Variants in SSBP2 observed in about 807,000 individuals in gnomAD.
The protein encoded by SSBP2 is single stranded DNA binding protein 2, also known as single-stranded DNA-binding protein 2.
A neutral mutation model predicts 61.8 loss-of-function variants in SSBP2; 17 were observed. The observed-to-expected ratio is 0.28, with a 90% CI of 0.19 to 0.41. SSBP2 has a LOEUF of 0.41. Among genes scored for constraint, SSBP2 ranks in the 10% least tolerant of loss-of-function variants. The pLI, the probability that SSBP2 is intolerant of heterozygous loss-of-function variation, is 1.00. For missense variants in SSBP2, 310 were observed against 458.7 expected (o/e 0.68, Z 2.96); for synonymous variants, 139 against 141.3 (o/e 0.98, Z 0.12).
chr5:81,684,504 T>TGCCC, intron 1 of SSBP2, among the ~76,000 whole-genome samples: 1 of 152,304 alleles, frequency 6.6e-6, no homozygotes. Context: ...AGTCTGTATG[T>TGCCC]GCCCAAGGCC....
At chr5:81,448,878 C>A in intron 10 of SSBP2, 53 bp from the exon 11 acceptor site, 1 of 1,320,508 alleles carries the variant, frequency 7.6e-7, no homozygotes, top group Non-Finnish European at 1.1e-6. Flanking sequence ...AATATGGACA[C>A]TGACCTAAAA....
chr5:81,648,726 G>A (rs1256985690), intron 2 of SSBP2, among the ~76,000 whole-genome samples: 2 of 151,914 alleles, frequency 1.3e-5, no homozygotes, highest in Non-Finnish European at 2.9e-5. Flanking sequence ...GTACATAGTA[G>A]TATATATATT....
chr5:81,568,152 T>C (rs1443383770), intron 4 of SSBP2, among the ~76,000 whole-genome samples: 1 of 152,144 alleles, frequency 6.6e-6, no homozygotes, highest in Non-Finnish European at 1.5e-5. Context: ...GGTAGAATGA[T>C]ATGGTTTGGC....
intron 15 of SSBP2, among the ~76,000 whole-genome samples, chr5:81,432,026 C>T (rs1329907300): frequency 6.6e-6 from 1 of 152,170 alleles, no homozygotes; most frequent in African/African-American, 2.4e-5. Flanking sequence ...TGTGGCTCTG[C>T]CTGTAATTAG....
chr5:81,635,978 T>A (rs1335426668), intron 3 of SSBP2, among the ~76,000 whole-genome samples: 4 of 152,200 alleles, frequency 2.6e-5, no homozygotes, highest in Non-Finnish European at 4.4e-5. Context: ...AGTTTTTAAA[T>A]AAATTCCTGA....
intron 5 of SSBP2, among the ~76,000 whole-genome samples, chr5:81,503,420 CTCCA>C (rs1767949514): frequency 6.6e-6 from 1 of 152,138 alleles, no homozygotes; most frequent in Non-Finnish European, 1.5e-5. Flanking sequence ...CGCCACTGCA[CTCCA>C]GCCTGGGTGA....
At chr5:81,583,337 G>A (rs1774804641) in intron 4 of SSBP2, among the ~76,000 whole-genome samples, 1 of 151,908 alleles carries the variant, frequency 6.6e-6, no homozygotes, top group Non-Finnish European at 1.5e-5. Context: ...ATTTTCAAGA[G>A]TAGCCATTGA....
At chr5:81,473,270 G>A (rs752626357) in intron 8 of SSBP2, among the ~76,000 whole-genome samples, 32 of 152,110 alleles carry the variant, frequency 2.1e-4, no homozygotes, top group Non-Finnish European at 3.5e-4. Flanking sequence ...TTTAAGTTTC[G>A]GAATACAAGT....
At chr5:81,662,093 G>A (rs1431742752) in intron 1 of SSBP2, among the ~76,000 whole-genome samples, 2 of 152,188 alleles carry the variant, frequency 1.3e-5, no homozygotes, top group African/African-American at 4.8e-5. Flanking sequence ...CATTGAATAA[G>A]CACTTAAGTG....
intron 4 of SSBP2, among the ~76,000 whole-genome samples, chr5:81,594,350 T>G (rs369012717): frequency 0.041 from 6,194 of 152,088 alleles, 181 homozygotes; most frequent in South Asian, 0.12. Context: ...AGCAAGTCCT[T>G]AGTGACCTAC....
intron 3 of SSBP2, among the ~76,000 whole-genome samples, chr5:81,627,609 T>C (rs1747298764): frequency 6.6e-6 from 1 of 152,220 alleles, no homozygotes; most frequent in South Asian, 2.1e-4. Context: ...ACTACAAGAT[T>C]GGACTTTCCA....
At chr5:81,560,515 T>G (rs1164000709) in intron 4 of SSBP2, among the ~76,000 whole-genome samples, 1 of 152,142 alleles carries the variant, frequency 6.6e-6, no homozygotes, top group South Asian at 2.1e-4. Context: ...AGCAGAAGTA[T>G]TATTTTAGAC....
chr5:81,614,511 T>C lies in SSBP2; in HGVS notation c.282+962A>G, dbSNP rs192556002. On this transcript the variant is annotated intron_variant, in intron 4 of 16. Transcript: ENST00000320672. ...AACTCTTCAGTCTAAGGCTGAATTA[T>C]TTTCCTTGGAAGAACAAGGTCTTTT... 3.1e-3 allele frequency among the ~76,000 whole-genome samples: 478 copies of C among 152,332 alleles called. 1 individual carries two copies. Among genetic ancestry groups the C allele is most frequent in the African/African-American group, 9.2e-3 (382 of 41,576 alleles).
At chr5:81,454,523 A>C (rs1252086672) in intron 10 of SSBP2, among the ~76,000 whole-genome samples, 2 of 152,234 alleles carry the variant, frequency 1.3e-5, no homozygotes, top group East Asian at 3.9e-4. Context: ...TATACTAAGA[A>C]TACAAAAGTT....
chr5:81,416,417 G>C lies in SSBP2; in HGVS notation c.*4087C>G, dbSNP rs991299430. The C allele has an allele frequency of 1.3e-5, 2 of 152,122 alleles. No homozygotes were observed. The highest frequency in any genetic ancestry group is 4.8e-5 in the African/African-American group (2 of 41,406). 9.4% of individuals were successfully genotyped at this position (152,122 alleles called of 1,614,324 possible). A position where few individuals can be genotyped will look rare whatever the true frequency, so the allele number is the denominator to read the frequency against. On this transcript the variant is annotated 3_prime_UTR_variant, in exon 17 of 17. Transcript: ENST00000320672. Reference sequence around the variant, plus strand: ...CACTATATGCAGATGAAAATGGTAAGGGCTGAGAAGGTAACAGTGTTCAGT... The same window carrying C: ...CACTATATGCAGATGAAAATGGTAACGGCTGAGAAGGTAACAGTGTTCAGT...
rs920072796 is a variant in SSBP2, at chr5:81,417,600, G to A, written c.*2904C>T. 1 of 152,030 alleles carries A rather than the reference G, an allele frequency of 6.6e-6. No individual in the cohort carries two copies. Among genetic ancestry groups the A allele is most frequent in the African/African-American group, 2.4e-5 (1 of 41,394 alleles). The allele number at this position is 152,030 out of a possible 1,614,324, so 9.4% of individuals were successfully genotyped here. A position where few individuals can be genotyped will look rare whatever the true frequency, so the allele number is the denominator to read the frequency against. ...ATTGATAAAGATGGAAAACACAAGAGAAAAACATTAAATAGTCTTATTACA... is the reference window on the plus strand; with the variant it reads ...ATTGATAAAGATGGAAAACACAAGAAAAAAACATTAAATAGTCTTATTACA... On this transcript the variant is annotated 3_prime_UTR_variant, in exon 17 of 17. Coordinates refer to ENST00000320672, the MANE Select transcript of SSBP2 (RefSeq NM_012446.5).
Position 81,505,239 on chromosome 5 carries a change from T to C in SSBP2, c.372+8389A>G, listed in dbSNP as rs148663322. Reference sequence around the variant, plus strand: ...TGGTTGCTTTTATGCTACAACCCAGTTGAGTGGCTGTGAGAGACCGTGTGA... The same window carrying C: ...TGGTTGCTTTTATGCTACAACCCAGCTGAGTGGCTGTGAGAGACCGTGTGA... On this transcript the variant is annotated intron_variant, in intron 5 of 16. Coordinates refer to ENST00000320672, the MANE Select transcript of SSBP2 (RefSeq NM_012446.5). Among the ~76,000 whole-genome samples, 1,058 of 152,312 alleles carry C rather than the reference T, an allele frequency of 6.9e-3. 7 individuals carry two copies. The highest frequency in any genetic ancestry group is 0.012 in the Non-Finnish European group (791 of 68,014).
intron 1 of SSBP2, among the ~76,000 whole-genome samples, chr5:81,656,676 A>G (rs1291558074): frequency 6.6e-6 from 1 of 152,088 alleles, no homozygotes; most frequent in Non-Finnish European, 1.5e-5. Context: ...AAGGTAAGAA[A>G]ATGGAAATTC....
intron 1 of SSBP2, among the ~76,000 whole-genome samples, chr5:81,741,505 C>G (rs536282419): frequency 6.6e-6 from 1 of 152,104 alleles, no homozygotes; most frequent in African/African-American, 2.4e-5. Flanking sequence ...ATATATATTA[C>G]CACATTAAAA....
Sources: allele counts gnomAD v4.1 joint callset (sites outside exome capture counted in the v4.1 genomes callset), GRCh38; gene constraint gnomAD v4.1.1; transcripts MANE v1.5; gene names NCBI Gene and HGNC (gene_info 2026-07-23, HGNC 2026-07-21).